Variants in CDH13 observed in about 807,000 individuals in gnomAD.
The protein encoded by CDH13 is cadherin 13.
CDH13 carries 24 observed loss-of-function variants against 63.8 expected under a neutral mutation model. The ratio of observed to expected loss-of-function variants is 0.38; its 90% CI spans 0.27 to 0.53. CDH13 has a LOEUF of 0.53. CDH13 is among the 20% of genes least tolerant of loss of function. The pLI, the probability that CDH13 is intolerant of heterozygous loss-of-function variation, is 0.85. For synonymous variants in CDH13, 503 were observed against 355.3 expected (o/e 1.42, Z -4.67); for missense variants, 1,049 against 903.1 (o/e 1.16, Z -2.07).
rs149563742 is a variant in CDH13 at position 83,753,850 on chromosome 16, T to C, written c.1681+5600T>C. Among the ~76,000 whole-genome samples, 499 of 151,636 alleles carry C rather than the reference T, an allele frequency of 3.3e-3. 4 individuals carry two copies. The highest frequency in any genetic ancestry group is 0.012 in the African/African-American group (481 of 41,308). ...GTTAAATTATAAAAATCAGATAATATAAAAAAATCTTAATTGTAAAGGAAT... is the reference window on the plus strand; with the variant it reads ...GTTAAATTATAAAAATCAGATAATACAAAAAAATCTTAATTGTAAAGGAAT... On this transcript the variant is annotated intron_variant, in intron 11 of 13. Coordinates refer to ENST00000567109, the MANE Select transcript of CDH13 (RefSeq NM_001257.5).
At chr16:82,808,898 G>A (rs1370140714) in intron 1 of CDH13, among the ~76,000 whole-genome samples, 1 of 152,112 alleles carries the variant, frequency 6.6e-6, no homozygotes, top group African/African-American at 2.4e-5. Flanking sequence ...CGTTTCTGTA[G>A]TGAGCATCCT....
Position 83,787,215 on chromosome 16 carries a change from G to A in CDH13, c.2134+3743G>A, listed in dbSNP as rs186276307. 4.9e-4 allele frequency among the ~76,000 whole-genome samples: 74 copies of A among 152,304 alleles called. 1 individual carries two copies. The highest frequency in any genetic ancestry group is 1.2e-3 in the Admixed American group (19 of 15,304). ...TACATTCACAAGGTCCATCCACGTT[G>A]CTCTAATTCAGCGTTCAGCAAACTT... is the stretch of plus-strand genomic sequence containing the variant. On this transcript the variant is annotated intron_variant, in intron 13 of 13. Transcript: ENST00000567109.
rs187534576 is a variant in CDH13 at position 83,530,583 on chromosome 16, A to G, written c.960+43928A>G. ...GAGTCTACTCCTTCTATAACCCAGC[A>G]CCCAGGCTTTCACATCAACCACGCA... On this transcript the variant is annotated intron_variant, in intron 7 of 13. Coordinates refer to ENST00000567109, the MANE Select transcript of CDH13 (RefSeq NM_001257.5). 2.4e-3 allele frequency among the ~76,000 whole-genome samples: 365 copies of G among 152,242 alleles called. 1 individual carries two copies. The highest frequency in any genetic ancestry group is 4.5e-3 in the Admixed American group (69 of 15,294).
intron 7 of CDH13, among the ~76,000 whole-genome samples, chr16:83,511,530 TACACTC>T (rs1360783584): frequency 6.6e-6 from 1 of 151,844 alleles, no homozygotes; most frequent in African/African-American, 2.4e-5. Flanking sequence ...CACCTACACA[TACACTC>T]ATACATTCCC....
At chr16:83,610,749 A>G (rs1908785600) in intron 8 of CDH13, among the ~76,000 whole-genome samples, 1 of 152,098 alleles carries the variant, frequency 6.6e-6, no homozygotes, top group Non-Finnish European at 1.5e-5. Context: ...CAGTTTGGGG[A>G]TAATTTAGGT....
At chr16:82,931,827 A>G (rs2042505015) in intron 2 of CDH13, among the ~76,000 whole-genome samples, 1 of 152,132 alleles carries the variant, frequency 6.6e-6, no homozygotes. Flanking sequence ...ATGATTCATT[A>G]TTTCCCACAT....
At chr16:82,636,604 A>G (rs1908685314) in intron 1 of CDH13, among the ~76,000 whole-genome samples, 1 of 152,230 alleles carries the variant, frequency 6.6e-6, no homozygotes, top group Admixed American at 6.5e-5. Flanking sequence ...CGCTTTGCCA[A>G]TGCTAACAAG....
intron 10 of CDH13, among the ~76,000 whole-genome samples, chr16:83,693,582 T>C (rs1221952871): frequency 6.6e-6 from 1 of 152,202 alleles, no homozygotes; most frequent in Middle Eastern, 3.2e-3. Flanking sequence ...TTTCTAAATA[T>C]TAAGTTTTGC....
At chr16:82,643,126 A>G (rs149179910) in intron 1 of CDH13, among the ~76,000 whole-genome samples, 150 of 152,362 alleles carry the variant, frequency 9.8e-4, no homozygotes, top group Admixed American at 1.6e-3. Flanking sequence ...GGAGCTAGAT[A>G]GTGGTGGTGA....
chr16:82,807,352 C>T (rs999921104), intron 1 of CDH13, among the ~76,000 whole-genome samples: 1 of 152,120 alleles, frequency 6.6e-6, no homozygotes, highest in African/African-American at 2.4e-5. Context: ...TATTTGTTGA[C>T]TGAAGAAATG....
At chr16:83,217,571 C>T (rs2039575665) in intron 5 of CDH13, 74 bp downstream of exon 5, 4 of 1,460,578 alleles carry the variant, frequency 2.7e-6, no homozygotes, top group Non-Finnish European at 2.8e-6. Flanking sequence ...TCCCACTGAG[C>T]TCATTATTTC....
chr16:83,386,434 G>T (rs1027222407), intron 6 of CDH13, among the ~76,000 whole-genome samples: 1 of 152,152 alleles, frequency 6.6e-6, no homozygotes, highest in African/African-American at 2.4e-5. Context: ...AGTAAAAACT[G>T]CCTTAAATGG....
At chr16:83,393,569 T>G (rs1316002226) in intron 6 of CDH13, among the ~76,000 whole-genome samples, 1 of 152,118 alleles carries the variant, frequency 6.6e-6, no homozygotes, top group Non-Finnish European at 1.5e-5. Flanking sequence ...GCCCACAGTT[T>G]TGTGCGGAGG....
chr16:83,701,644 C>A lies in CDH13; in HGVS notation c.1538+23183C>A, dbSNP rs77558379. Among the ~76,000 whole-genome samples the A allele has an allele frequency of 9.3e-3, 1,414 of 152,256 alleles. 21 individuals carry two copies. Among genetic ancestry groups the A allele is most frequent in the African/African-American group, 0.033 (1,359 of 41,536 alleles). On this transcript the variant is annotated intron_variant, in intron 10 of 13. Coordinates refer to ENST00000567109, the MANE Select transcript of CDH13 (RefSeq NM_001257.5). ...TCTGCCTCTGTGCTAGGGTTTCTAC[C>A]CTGACCGCCACCCAACAACCCCTGC...
At chr16:83,563,132 A>G (rs1453843979) in intron 7 of CDH13, among the ~76,000 whole-genome samples, 2 of 152,248 alleles carry the variant, frequency 1.3e-5, no homozygotes, top group African/African-American at 2.4e-5. Flanking sequence ...CCCTGTTGCG[A>G]CATTCCAGGA....
intron 5 of CDH13, among the ~76,000 whole-genome samples, chr16:83,308,884 T>C (rs1441289253): frequency 6.6e-6 from 1 of 152,136 alleles, no homozygotes; most frequent in Non-Finnish European, 1.5e-5. Flanking sequence ...ATGAAAACCA[T>C]CAACTAGAAG....
intron 2 of CDH13, among the ~76,000 whole-genome samples, chr16:82,952,041 G>T (rs767285925): frequency 1.3e-5 from 2 of 152,212 alleles, no homozygotes; most frequent in African/African-American, 2.4e-5. Flanking sequence ...TGCTGGGGCT[G>T]AATTAAATGT....
At chr16:82,840,685 A>AC (rs796363612) in intron 1 of CDH13, among the ~76,000 whole-genome samples, 1,546 of 84,272 alleles carry the variant, frequency 0.018, 11 homozygotes, top group Non-Finnish European at 0.031. Flanking sequence ...AATCCATCTC[A>AC]AAAAAAAAAA....
intron 10 of CDH13, among the ~76,000 whole-genome samples, chr16:83,705,368 A>C (rs969704407): frequency 5.3e-5 from 8 of 152,208 alleles, no homozygotes; most frequent in Admixed American, 3.3e-4. Flanking sequence ...CACGCCTGTA[A>C]TCCTAGCACT....
Sources: gnomAD v4.1 joint callset for allele counts (sites outside exome capture counted in the v4.1 genomes callset) on GRCh38, gnomAD v4.1.1 for gene constraint, MANE v1.5 for transcripts, NCBI Gene and HGNC (gene_info 2026-07-23, HGNC 2026-07-21) for gene names.